The following TCF12 variants were observed in gnomAD, a reference collection of about 807,000 sequenced individuals.
TCF12 encodes transcription factor 12.
In TCF12, 45 loss-of-function variants were observed where a neutral mutation model predicts 86.0. The ratio of observed to expected loss-of-function variants is 0.52; its 90% CI spans 0.41 to 0.67. The LOEUF is 0.67. TCF12 is among the 30% of genes least tolerant of loss of function. The probability of loss-of-function intolerance (pLI) is 0.00; values close to 1 mark genes in which losing one functional copy is unlikely to be tolerated. For synonymous variants in TCF12, 330 were observed against 299.6 expected (o/e 1.10, Z -1.05); for missense variants, 881 against 859.9 (o/e 1.02, Z -0.31).
chr15:56,940,734 C>G (rs1417923602), intron 3 of TCF12, among the ~76,000 whole-genome samples: 1 of 107,378 alleles, frequency 9.3e-6, no homozygotes, highest in African/African-American at 4.2e-5. Context: ...CCTTCTCTCC[C>G]CCCCCTTCTC....
intron 3 of TCF12, among the ~76,000 whole-genome samples, chr15:57,015,854 C>A (rs963491060): frequency 5.9e-5 from 9 of 152,182 alleles, no homozygotes; most frequent in African/African-American, 1.9e-4. Context: ...ACACTTCTTT[C>A]CAGGGCGATC....
At chr15:57,099,312 A>T (rs17239215) in intron 5 of TCF12, among the ~76,000 whole-genome samples, 6,109 of 152,228 alleles carry the variant, frequency 0.04, 369 homozygotes, top group Admixed American at 0.17. Context: ...CCTTAGTTTG[A>T]AAGAGGTTCC....
chr15:57,025,496 C>T (rs1351847386), intron 3 of TCF12, among the ~76,000 whole-genome samples: 1 of 152,144 alleles, frequency 6.6e-6, no homozygotes, highest in African/African-American at 2.4e-5. Flanking sequence ...GACCACAGAA[C>T]CTGTTTTGTT....
rs1287317202 is a variant in TCF12, at chr15:57,273,171, G to A, written c.1887G>A (p.Gln629=). The change falls in exon 19 of 21, where the codon CAG becomes CAA. Residue 629 remains glutamine, a synonymous_variant. Transcript: ENST00000333725. ...EAFKELGRMC[Q]LHLKSEKPQT... ...TCAAAGAGCTTGGCCGAATGTGTCA[G>A]CTTCACTTGAAGAGTGAAAAACCCC... 3 of 1,614,064 alleles carry A rather than the reference G, an allele frequency of 1.9e-6. No homozygotes were observed. In the Admixed American group the frequency reaches 5.0e-5, roughly 27 times the overall value.
At chr15:57,197,152 C>CTTTT (rs138145337) in intron 7 of TCF12, among the ~76,000 whole-genome samples, 2,784 of 87,132 alleles carry the variant, frequency 0.032, 308 homozygotes, top group Non-Finnish European at 0.047. Context: ...AGAACAGCTT[C>CTTTT]TTTTTTTTTT....
chr15:57,111,334 C>G (rs575772006), intron 5 of TCF12, among the ~76,000 whole-genome samples: 2 of 152,096 alleles, frequency 1.3e-5, no homozygotes, highest in African/African-American at 4.8e-5. Flanking sequence ...AGAAAAATTT[C>G]GGGATCACTG....
At chr15:57,280,304 T>C (rs973882927) in intron 19 of TCF12, among the ~76,000 whole-genome samples, 1 of 152,244 alleles carries the variant, frequency 6.6e-6, no homozygotes, top group African/African-American at 2.4e-5. Context: ...ATGAACATAC[T>C]ATTTTTTCCT....
chr15:57,284,506 G>A (rs536973380), intron 20 of TCF12, among the ~76,000 whole-genome samples: 6 of 152,222 alleles, frequency 3.9e-5, no homozygotes, highest in South Asian at 4.2e-4. Flanking sequence ...CGCTGAGCCC[G>A]GCCAAAAAAT....
At chr15:57,230,536 C>G (rs538112224) in intron 8 of TCF12, among the ~76,000 whole-genome samples, 39 of 152,158 alleles carry the variant, frequency 2.6e-4, no homozygotes, top group African/African-American at 9.4e-4. Flanking sequence ...ATTAATACTG[C>G]TCTAACAAAT....
At chr15:57,129,711 C>G (rs1222486787) in intron 5 of TCF12, 4 of 152,172 alleles carry the variant, frequency 2.6e-5, no homozygotes, top group Non-Finnish European at 4.4e-5. Context: ...GTATCTAATC[C>G]CCCAGCACAG....
At chr15:57,261,486 T>G (rs1376126989) in intron 16 of TCF12, among the ~76,000 whole-genome samples, 1 of 152,176 alleles carries the variant, frequency 6.6e-6, no homozygotes, top group Non-Finnish European at 1.5e-5. Flanking sequence ...CTTGGCAGTT[T>G]ACTAGGATTG....
chr15:57,259,109 T>TTA (rs2060474006), intron 16 of TCF12, among the ~76,000 whole-genome samples: 1 of 152,146 alleles, frequency 6.6e-6, no homozygotes, highest in African/African-American at 2.4e-5. Flanking sequence ...TAAGACGACA[T>TTA]TATAGTGCTT....
At chr15:56,965,784 G>T (rs1454112155) in intron 3 of TCF12, among the ~76,000 whole-genome samples, 1 of 151,982 alleles carries the variant, frequency 6.6e-6, no homozygotes, top group Non-Finnish European at 1.5e-5. Context: ...ATTGCAAGTC[G>T]AGTGAAAAAA....
At chr15:57,121,557 T>C (rs1220009017) in intron 5 of TCF12, among the ~76,000 whole-genome samples, 2 of 152,178 alleles carry the variant, frequency 1.3e-5, no homozygotes, top group Admixed American at 1.3e-4. Flanking sequence ...GCCCTTCCAC[T>C]CTTCTACCCT....
intron 8 of TCF12, among the ~76,000 whole-genome samples, chr15:57,213,354 G>A (rs1169473476): frequency 6.6e-6 from 1 of 152,116 alleles, no homozygotes; most frequent in Non-Finnish European, 1.5e-5. Context: ...GCAAAAATTA[G>A]CTTTGCTTTT....
At chr15:57,036,885 A>G (rs2066536699) in intron 3 of TCF12, among the ~76,000 whole-genome samples, 1 of 152,150 alleles carries the variant, frequency 6.6e-6, no homozygotes, top group Admixed American at 6.5e-5. Flanking sequence ...GAGAAAAGAG[A>G]GAAGCAAATC....
chr15:57,177,727 T>G (rs907158759), intron 6 of TCF12, among the ~76,000 whole-genome samples: 1 of 151,840 alleles, frequency 6.6e-6, no homozygotes, highest in Non-Finnish European at 1.5e-5. Flanking sequence ...ATTTATTTAT[T>G]TATTTATTTT....
chr15:57,286,825 G>A lies in TCF12; in HGVS notation c.*680G>A, dbSNP rs1242785503. 4 of 375,382 alleles carry A rather than the reference G, an allele frequency of 1.1e-5. No individual in the cohort carries two copies. Among genetic ancestry groups the A allele is most frequent in the Non-Finnish European group, 2.1e-5 (4 of 191,626 alleles). The allele number at this position is 375,382 out of a possible 1,614,324, so 23.3% of individuals were successfully genotyped here. A position where few individuals can be genotyped will look rare whatever the true frequency, so the allele number is the denominator to read the frequency against. On this transcript the variant is annotated 3_prime_UTR_variant, in exon 21 of 21. Coordinates refer to ENST00000333725, the MANE Select transcript of TCF12 (RefSeq NM_207037.2). ...TTATTTTTATTTTCTCTTTGTGGGTGTTATATTTGATCTCTAAATCTGAAC... is the reference window on the plus strand; with the variant it reads ...TTATTTTTATTTTCTCTTTGTGGGTATTATATTTGATCTCTAAATCTGAAC...
At chr15:57,238,897 A>C (rs2059489093) in intron 12 of TCF12, among the ~76,000 whole-genome samples, 1 of 152,224 alleles carries the variant, frequency 6.6e-6, no homozygotes, top group African/African-American at 2.4e-5. Context: ...TAAGAGTATA[A>C]GGAAGGTGAA....
Sources: gnomAD v4.1 joint callset for allele counts (sites outside exome capture counted in the v4.1 genomes callset) on GRCh38, gnomAD v4.1.1 for gene constraint, MANE v1.5 for transcripts, NCBI Gene and HGNC (gene_info 2026-07-23, HGNC 2026-07-21) for gene names.